ZCWPW2: variants seen among roughly 807,000 people sequenced by gnomAD.
ZCWPW2 encodes the protein zinc finger CW-type and PWWP domain containing 2.
In ZCWPW2, 45 loss-of-function variants were observed where a neutral mutation model predicts 46.6. The ratio of observed to expected loss-of-function variants is 0.96; its 90% CI spans 0.76 to 1.24. The LOEUF (loss-of-function observed/expected upper bound fraction) is 1.24, where lower values mean the gene tolerates loss of function less well. ZCWPW2 is among the 50% of genes most tolerant of loss of function. The pLI is 0.00. For synonymous variants in ZCWPW2, 152 were observed against 137.1 expected (o/e 1.11, Z -0.76); for missense variants, 429 against 403.9 (o/e 1.06, Z -0.53).
At chr3:28,424,228 A>AC (rs1696911938) in intron 3 of ZCWPW2, among the ~76,000 whole-genome samples, 2 of 138,868 alleles carry the variant, frequency 1.4e-5, no homozygotes, top group Non-Finnish European at 3.1e-5. Flanking sequence ...GTCTTATTCC[A>AC]ACACACACAC....
intron 4 of ZCWPW2, among the ~76,000 whole-genome samples, chr3:28,468,955 G>T (rs111977378): frequency 1.4e-4 from 22 of 152,226 alleles, no homozygotes; most frequent in African/African-American, 5.3e-4. Context: ...TGTGTAAACT[G>T]CTCTTCAGTG....
chr3:28,462,307 A>G (rs192654711), intron 4 of ZCWPW2, among the ~76,000 whole-genome samples: 62 of 152,364 alleles, frequency 4.1e-4, no homozygotes, highest in Admixed American at 2.1e-3. Context: ...AACCCATGCT[A>G]TCAAGGCTCC....
chr3:28,403,944 G>A (rs1204778900), intron 2 of ZCWPW2, among the ~76,000 whole-genome samples: 1 of 152,090 alleles, frequency 6.6e-6, no homozygotes, highest in East Asian at 1.9e-4. Flanking sequence ...AAAAATTCTA[G>A]AAGATAATAT....
chr3:28,519,885 C>T (rs73823989), intron 8 of ZCWPW2, among the ~76,000 whole-genome samples: 4,244 of 151,980 alleles, frequency 0.028, 190 homozygotes, highest in African/African-American at 0.094. Flanking sequence ...AAGTCAAGAA[C>T]TCAAATGCAT....
intron 4 of ZCWPW2, among the ~76,000 whole-genome samples, chr3:28,451,463 T>G (rs767554694): frequency 2.6e-5 from 4 of 152,248 alleles, no homozygotes; most frequent in Non-Finnish European, 4.4e-5. Context: ...TTTTGAATGT[T>G]TTCTCACATT....
chr3:28,461,311 A>G (rs1698626683), intron 4 of ZCWPW2, among the ~76,000 whole-genome samples: 1 of 152,084 alleles, frequency 6.6e-6, no homozygotes, highest in Non-Finnish European at 1.5e-5. Flanking sequence ...GAATTACTTT[A>G]GTTTTAAAGT....
chr3:28,426,794 AG>A (rs1697030837), intron 3 of ZCWPW2, among the ~76,000 whole-genome samples: 1 of 152,158 alleles, frequency 6.6e-6, no homozygotes, highest in Non-Finnish European at 1.5e-5. Flanking sequence ...CCCCAAGTAA[AG>A]TTTGCTCTCC....
At position 28,390,549 on chromosome 3, in the gene ZCWPW2, C is replaced by G; in HGVS notation, c.-82C>G. The G allele has an allele frequency of 1.0e-6, 1 of 985,316 alleles. No homozygotes were observed. Among genetic ancestry groups the G allele is most frequent in the Non-Finnish European group, 1.2e-6 (1 of 829,896 alleles). The allele number at this position is 985,316 out of a possible 1,614,324, so 61.0% of individuals were successfully genotyped here. A position where few individuals can be genotyped will look rare whatever the true frequency, so the allele number is the denominator to read the frequency against. On this transcript the variant is annotated 5_prime_UTR_variant, in exon 2 of 10. Transcript: ENST00000383768. ...TTTAGTGACTACAGACCTCACTTCC[C>G]TTCTCTGGAGTTTTGGAGTCTATTT...
At chr3:28,469,550 C>G (rs1698957306) in intron 4 of ZCWPW2, among the ~76,000 whole-genome samples, 1 of 151,724 alleles carries the variant, frequency 6.6e-6, no homozygotes, top group Non-Finnish European at 1.5e-5. Context: ...GTGGAAACCA[C>G]AAAAGAGCAT....
At chr3:28,375,750 T>TTGTG (rs1553630048) in intron 1 of ZCWPW2, among the ~76,000 whole-genome samples, 5 of 151,702 alleles carry the variant, frequency 3.3e-5, no homozygotes, top group African/African-American at 9.7e-5. Context: ...TTTTTTTTTT[T>TTGTG]TGTGCTCATT....
chr3:28,523,457 C>T (rs1473237454), intron 9 of ZCWPW2, among the ~76,000 whole-genome samples: 2 of 152,034 alleles, frequency 1.3e-5, no homozygotes, highest in African/African-American at 4.8e-5. Context: ...AAAACAACTC[C>T]ACTTAAAGCT....
At chr3:28,429,248 A>G (rs914718769) in intron 3 of ZCWPW2, among the ~76,000 whole-genome samples, 11 of 152,178 alleles carry the variant, frequency 7.2e-5, no homozygotes, top group African/African-American at 2.2e-4. Flanking sequence ...GGGACCTGGA[A>G]TAAAGGTGAC....
chr3:28,357,681 T>C (rs1704790065), intron 1 of ZCWPW2, among the ~76,000 whole-genome samples: 2 of 151,996 alleles, frequency 1.3e-5, no homozygotes, highest in South Asian at 4.2e-4. Context: ...GGACTTATAC[T>C]GAATTATACC....
At chr3:28,441,519 C>G (rs544723251) in intron 4 of ZCWPW2, among the ~76,000 whole-genome samples, 32 of 152,166 alleles carry the variant, frequency 2.1e-4, no homozygotes, top group Admixed American at 1.6e-3. Flanking sequence ...TGTCCACTTT[C>G]GAGTGGTGCC....
chr3:28,454,512 G>GT (rs1698351699), intron 4 of ZCWPW2, among the ~76,000 whole-genome samples: 1 of 152,130 alleles, frequency 6.6e-6, no homozygotes, highest in African/African-American at 2.4e-5. Context: ...GGGTACACGT[G>GT]TAGGATGTGC....
intron 5 of ZCWPW2, among the ~76,000 whole-genome samples, chr3:28,487,370 T>C (rs183388069): frequency 1.3e-5 from 2 of 152,306 alleles, no homozygotes; most frequent in African/African-American, 4.8e-5. Context: ...AAGATTGTTT[T>C]CTCAGCCATG....
intron 6 of ZCWPW2, among the ~76,000 whole-genome samples, chr3:28,496,148 T>G (rs374584043): frequency 7.9e-5 from 12 of 151,998 alleles, no homozygotes; most frequent in African/African-American, 2.7e-4. Context: ...TTGGTAACAT[T>G]TTCAACTACA....
intron 1 of ZCWPW2, among the ~76,000 whole-genome samples, chr3:28,352,822 C>A (rs989231705): frequency 2.6e-5 from 4 of 151,946 alleles, no homozygotes; most frequent in African/African-American, 9.7e-5. Flanking sequence ...GGGTATATGG[C>A]CTAATGAGGG....
chr3:28,469,736 T>C (rs1393263750), intron 4 of ZCWPW2, among the ~76,000 whole-genome samples: 2 of 151,302 alleles, frequency 1.3e-5, no homozygotes, highest in African/African-American at 2.4e-5. Flanking sequence ...TATATATATG[T>C]ATATATATAT....
Sources: gnomAD v4.1 joint callset for allele counts (sites outside exome capture counted in the v4.1 genomes callset) on GRCh38, gnomAD v4.1.1 for gene constraint, MANE v1.5 for transcripts, NCBI Gene and HGNC (gene_info 2026-07-23, HGNC 2026-07-21) for gene names.